The following PLCD4 variants were observed in gnomAD, a reference collection of about 807,000 sequenced individuals.
The protein encoded by PLCD4 is phospholipase C delta 4.
Under a neutral mutation model 90.2 loss-of-function variants are expected in PLCD4, and 63 were observed. That is an observed-to-expected ratio of 0.70 (90% CI 0.57 to 0.86). The LOEUF (loss-of-function observed/expected upper bound fraction) is 0.86, where lower values mean the gene tolerates loss of function less well. Among genes scored for constraint, PLCD4 ranks in the 40% least tolerant of loss-of-function variants. PLCD4 has a pLI of 0.00. For synonymous variants in PLCD4, 294 were observed against 356.5 expected (o/e 0.82, Z 1.97); for missense variants, 830 against 956.3 (o/e 0.87, Z 1.74).
chr2:218,634,202 G>C lies in PLCD4; in HGVS notation c.1704G>C (p.Trp568Cys), dbSNP rs1335393260. ...CCAACTACAACCCCCAGGAACTCTGGAATGCAGGCTGCCAGATGGGTGAGG... is the reference window on the plus strand; with the variant it reads ...CCAACTACAACCCCCAGGAACTCTGCAATGCAGGCTGCCAGATGGGTGAGG... ...DSSNYNPQELWNAGCQMVAMN... is the reference protein window; with the variant it reads ...DSSNYNPQELCNAGCQMVAMN... The change falls in exon 12 of 16, where the codon TGG becomes TGC. Residue 568 changes from tryptophan (W) to cysteine (C), a missense_variant. Physicochemically the swap from Trp to Cys is radical, Grantham distance 215. Coordinates refer to ENST00000450993, the MANE Select transcript of PLCD4 (RefSeq NM_032726.4). The surrounding 1 kb of genome is among the most constrained non-coding windows in gnomAD (Gnocchi z 4.0). The C allele has an allele frequency of 6.2e-7, 1 of 1,611,036 alleles. No homozygotes were observed. Among genetic ancestry groups the C allele is most frequent in the Non-Finnish European group, 8.5e-7 (1 of 1,178,632 alleles).
intron 1 of PLCD4, 32 bp from the exon 2 acceptor site, chr2:218,615,675 C>T (rs1695542704): frequency 5.9e-6 from 9 of 1,521,186 alleles, no homozygotes; most frequent in Middle Eastern, 3.5e-4. Context: ...CAAGATTCAC[C>T]CAGAGCCCTT....
At chr2:218,626,334 G>A (rs897878720) in intron 6 of PLCD4, among the ~76,000 whole-genome samples, 1 of 151,996 alleles carries the variant, frequency 6.6e-6, no homozygotes, top group Non-Finnish European at 1.5e-5. Context: ...GTGAAACCTG[G>A]AGCAAGGAAG....
At chr2:218,633,328 G>T (rs1291253507) in intron 10 of PLCD4, 3 of 702,292 alleles carry the variant, frequency 4.3e-6, no homozygotes, top group Non-Finnish European at 7.8e-6. Context: ...AAGCCCAGAG[G>T]TTGACACTGA....
intron 3 of PLCD4, among the ~76,000 whole-genome samples, chr2:218,616,927 T>TATATATAGAG (rs1553571947): frequency 7.3e-5 from 1 of 13,764 alleles, no homozygotes; most frequent in Non-Finnish European, 1.3e-4. Flanking sequence ...TATATATATA[T>TATATATAGAG]AGAGAGAGAG....
chr2:218,627,686 G>T (rs1696178487), intron 6 of PLCD4, among the ~76,000 whole-genome samples: 1 of 150,766 alleles, frequency 6.6e-6, no homozygotes, highest in African/African-American at 2.5e-5. Flanking sequence ...CTAATTTTTT[G>T]TATTTTTAGT....
chr2:218,611,139 G>T (rs1695317225), intron 1 of PLCD4, among the ~76,000 whole-genome samples: 1 of 152,146 alleles, frequency 6.6e-6, no homozygotes, highest in Non-Finnish European at 1.5e-5. Flanking sequence ...ATAAAATGAA[G>T]TCCAGCTCTG....
chr2:218,611,501 G>A (rs994114490), intron 1 of PLCD4, among the ~76,000 whole-genome samples: 6 of 152,162 alleles, frequency 3.9e-5, no homozygotes, highest in South Asian at 4.1e-4. Flanking sequence ...CCAGAGGTGG[G>A]AGCTAAAATT....
chr2:218,633,674 A>G lies in PLCD4; in HGVS notation c.1519A>G (p.Ser507Gly), dbSNP rs1349314460. ...CTACTTGAAGTCTGTCTCATTCCGC[A>G]GCTTCACACATTCAAAGGAGCACTA... ...VIYLKSVSFR[S>G]FTHSKEHYHF... The change falls in exon 11 of 16, where the codon AGC becomes GGC. Residue 507 changes from serine to glycine, a missense_variant. Coordinates refer to ENST00000450993, the MANE Select transcript of PLCD4 (RefSeq NM_032726.4). The G allele has an allele frequency of 6.2e-7, 1 of 1,613,448 alleles. No homozygotes were observed. Among genetic ancestry groups the G allele is most frequent in the Non-Finnish European group, 8.5e-7 (1 of 1,179,430 alleles).
chr2:218,615,658 C>T (rs1695542211), intron 1 of PLCD4, 49 bp from the exon 2 acceptor site: 3 of 1,469,624 alleles, frequency 2.0e-6, no homozygotes, highest in South Asian at 2.8e-5. Context: ...CAGCTACAGA[C>T]TATCTTCAAG....
intron 3 of PLCD4, among the ~76,000 whole-genome samples, chr2:218,617,788 C>A (rs1695685203): frequency 6.6e-6 from 1 of 151,744 alleles, no homozygotes; most frequent in Non-Finnish European, 1.5e-5. Flanking sequence ...AGAGGAAGCC[C>A]TCAAACCTGG....
Position 218,630,700 on chromosome 2 carries a change from G to A in PLCD4, c.1170G>A (p.Glu390=). Residue 390 remains glutamate (E), a synonymous_variant, in exon 9 of 16, where the codon GAG becomes GAA. Transcript: ENST00000450993. ...ILSLETHCSW[E]QQQTMARHLT... ...CCCTGGAGACCCACTGCAGCTGGGA[G>A]CAGCAGCAGACCATGGCCCGTCATC... The A allele has an allele frequency of 6.2e-7, 1 of 1,614,010 alleles. No homozygotes were observed. The highest frequency in any genetic ancestry group is 2.2e-5 in the East Asian group (1 of 44,888).
At chr2:218,627,673 C>T (rs577399693) in intron 6 of PLCD4, among the ~76,000 whole-genome samples, 11 of 151,894 alleles carry the variant, frequency 7.2e-5, no homozygotes, top group South Asian at 2.1e-4. Context: ...CCACCGTGCC[C>T]GGCTAATTTT....
chr2:218,612,491 T>G (rs2106116885), intron 1 of PLCD4, among the ~76,000 whole-genome samples: 1 of 152,300 alleles, frequency 6.6e-6, no homozygotes, highest in East Asian at 1.9e-4. Context: ...GAGGCTTCTC[T>G]AGGCGGGGCA....
In PLCD4 at chr2:218,636,367, C is replaced by A. The variant is rs1696749298; in HGVS notation, c.2157C>A (p.Thr719=). ...KSRNDFIGQY[T]LPWTCMQQGY... The stretch of plus-strand genomic sequence containing the variant: ...GAAATGACTTTATTGGTCAGTACAC[C>A]CTGCCTTGGACCTGCATGCAACAAG... Residue 719 remains threonine, a synonymous_variant, in exon 15 of 16, where the codon ACC becomes ACA. Transcript: ENST00000450993. 6.2e-7 allele frequency: 1 copy of A among 1,613,850 alleles called. No homozygotes were observed. Among genetic ancestry groups the A allele is most frequent in the Non-Finnish European group, 8.5e-7 (1 of 1,179,912 alleles).
Position 218,615,886 on chromosome 2 carries a change from C to T in PLCD4, c.23-18C>T, listed in dbSNP as rs769996539. The T allele has an allele frequency of 4.3e-6, 7 of 1,613,268 alleles. No homozygotes were observed. Among genetic ancestry groups the T allele is most frequent in the Admixed American group, 1.7e-5 (1 of 60,010 alleles). ...ACCCTCTCTGCTGGCTACCTAACCCCTGCTTTTCCTGACCTAGAGCTGACC... is the reference window on the plus strand; with the variant it reads ...ACCCTCTCTGCTGGCTACCTAACCCTTGCTTTTCCTGACCTAGAGCTGACC... On this transcript the variant is annotated intron_variant, in intron 2 of 15. Transcript: ENST00000450993.
intron 6 of PLCD4, among the ~76,000 whole-genome samples, chr2:218,627,575 C>T (rs950942499): frequency 6.6e-6 from 1 of 151,880 alleles, no homozygotes. Flanking sequence ...TGCAGTGGCG[C>T]GATCTGGGCT....
chr2:218,617,232 G>A (rs1695657803), intron 3 of PLCD4, among the ~76,000 whole-genome samples: 1 of 144,906 alleles, frequency 6.9e-6, no homozygotes, highest in Admixed American at 6.9e-5. Context: ...CCAAAGTGCT[G>A]GGATTACAGG....
chr2:218,623,657 T>C (rs1016144088), intron 6 of PLCD4, among the ~76,000 whole-genome samples: 8 of 152,198 alleles, frequency 5.3e-5, no homozygotes, highest in Non-Finnish European at 1.0e-4. Flanking sequence ...AATGCTCTAA[T>C]ATCTCTATGT....
intron 1 of PLCD4, among the ~76,000 whole-genome samples, chr2:218,612,015 G>T (rs962070216): frequency 4.6e-5 from 7 of 151,976 alleles, no homozygotes; most frequent in South Asian, 4.2e-4. Flanking sequence ...TGCAACCTCT[G>T]CCTCCTGGGT....
Sources: allele counts gnomAD v4.1 joint callset (sites outside exome capture counted in the v4.1 genomes callset), GRCh38; gene constraint gnomAD v4.1.1; non-coding constraint Gnocchi (gnomAD v3.1); transcripts MANE v1.5; gene names NCBI Gene and HGNC (gene_info 2026-07-23, HGNC 2026-07-21).